PDSS2: variants seen among roughly 807,000 people sequenced by gnomAD.
PDSS2 encodes decaprenyl diphosphate synthase subunit 2.
Under a neutral mutation model 44.5 loss-of-function variants are expected in PDSS2, and 31 were observed. That is an observed-to-expected ratio of 0.70 (90% CI 0.52 to 0.94). The LOEUF is 0.94. Ranked by LOEUF, PDSS2 falls within the 40% of genes least tolerant of loss-of-function variation. The pLI is 0.00. For missense variants in PDSS2, 452 were observed against 482.2 expected (o/e 0.94, Z 0.59); for synonymous variants, 157 against 180.3 (o/e 0.87, Z 1.03).
At chr6:107,348,898 T>A (rs535053986) in intron 1 of PDSS2, among the ~76,000 whole-genome samples, 1 of 152,186 alleles carries the variant, frequency 6.6e-6, no homozygotes, top group African/African-American at 2.4e-5. Context: ...ACAGTACTAC[T>A]GTTATCCTAA....
chr6:107,234,766 C>T (rs964403397), intron 4 of PDSS2, among the ~76,000 whole-genome samples: 1 of 152,024 alleles, frequency 6.6e-6, no homozygotes, highest in Non-Finnish European at 1.5e-5. Context: ...TTTCTTATTC[C>T]CATGGCCAAT....
chr6:107,239,540 A>ATTCAT (rs1774343579), intron 4 of PDSS2, among the ~76,000 whole-genome samples: 1 of 150,668 alleles, frequency 6.6e-6, no homozygotes, highest in Non-Finnish European at 1.5e-5. Context: ...CATAATCATG[A>ATTCAT]TTCATTTCTG....
chr6:107,450,111 T>A (rs1195245563), intron 1 of PDSS2, among the ~76,000 whole-genome samples: 1 of 152,188 alleles, frequency 6.6e-6, no homozygotes, highest in Non-Finnish European at 1.5e-5. Context: ...TTTTGATGAA[T>A]GAGATTGACT....
At chr6:107,375,580 T>G (rs1461651979) in intron 1 of PDSS2, among the ~76,000 whole-genome samples, 1 of 152,196 alleles carries the variant, frequency 6.6e-6, no homozygotes, top group Non-Finnish European at 1.5e-5. Flanking sequence ...CACTGGTGAA[T>G]TCTATCAAAT....
chr6:107,453,141 C>G (rs1464609825), intron 1 of PDSS2, among the ~76,000 whole-genome samples: 1 of 151,824 alleles, frequency 6.6e-6, no homozygotes, highest in Non-Finnish European at 1.5e-5. Flanking sequence ...GCAGTCTCGG[C>G]TCACTGCAAC....
In PDSS2 at chr6:107,444,347, A is replaced by G. The variant is rs143218872; in HGVS notation, c.296+14643T>C. On this transcript the variant is annotated intron_variant, in intron 1 of 7. Coordinates refer to ENST00000369037, the MANE Select transcript of PDSS2 (RefSeq NM_020381.4). ...CACCTAGCCACCAGGTTCTATTACT[A>G]TCCTTGATTTACAGATGAAGAAACT... Among the ~76,000 whole-genome samples, 38 of 152,226 alleles carry G rather than the reference A, an allele frequency of 2.5e-4. No homozygotes were observed. In the East Asian group the frequency reaches 7.2e-3, roughly 29 times the overall value.
intron 2 of PDSS2, among the ~76,000 whole-genome samples, chr6:107,320,519 C>T (rs1303060688): frequency 1.3e-5 from 2 of 151,988 alleles, no homozygotes; most frequent in Non-Finnish European, 2.9e-5. Flanking sequence ...ATAGGGAAAG[C>T]CCATTAGACA....
At chr6:107,311,793 T>C (rs1160303109) in intron 2 of PDSS2, among the ~76,000 whole-genome samples, 1 of 152,308 alleles carries the variant, frequency 6.6e-6, no homozygotes, top group East Asian at 1.9e-4. Flanking sequence ...CCTTACCATA[T>C]AAAGAGGCTG....
At position 107,233,830 on chromosome 6, in the gene PDSS2, A is replaced by T. The variant is rs190443604; in HGVS notation, c.702+11718T>A. The stretch of plus-strand genomic sequence containing the variant: ...CCTGTCTCTGAATTAATAAATATAA[A>T]TGTAAAAAAAAAAATAAAGACTCCA... On this transcript the variant is annotated intron_variant, in intron 4 of 7. Coordinates refer to ENST00000369037, the MANE Select transcript of PDSS2 (RefSeq NM_020381.4). Among the ~76,000 whole-genome samples the T allele has an allele frequency of 1.6e-4, 24 of 151,838 alleles. No homozygotes were observed. The East Asian group carries it at 4.3e-3, about 27-fold the overall frequency.
rs147006068 is a variant in PDSS2 at position 107,218,403 on chromosome 6, T to C, written c.703-6121A>G. 2.0e-3 allele frequency among the ~76,000 whole-genome samples: 300 copies of C among 152,322 alleles called. 1 individual carries two copies. The highest frequency in any genetic ancestry group is 6.6e-3 in the African/African-American group (273 of 41,574). ...CAGATACACTCTCTAGACGTTTGCA[T>C]GGCTAGATTTCTCATTACTTTTGGG... On this transcript the variant is annotated intron_variant, in intron 4 of 7. Transcript: ENST00000369037.
At chr6:107,334,916 G>T (rs932843740) in intron 1 of PDSS2, among the ~76,000 whole-genome samples, 1 of 151,894 alleles carries the variant, frequency 6.6e-6, no homozygotes, top group Non-Finnish European at 1.5e-5. Flanking sequence ...CAGTGCTTTG[G>T]GGGGCCAAGG....
intron 1 of PDSS2, among the ~76,000 whole-genome samples, chr6:107,410,815 C>A (rs1780469456): frequency 6.6e-6 from 1 of 151,680 alleles, no homozygotes; most frequent in Non-Finnish European, 1.5e-5. Context: ...TTTTTTTTCA[C>A]TTAGTATATC....
At chr6:107,335,910 A>C (rs1311704782) in intron 1 of PDSS2, among the ~76,000 whole-genome samples, 2 of 151,804 alleles carry the variant, frequency 1.3e-5, no homozygotes, top group Non-Finnish European at 2.9e-5. Flanking sequence ...TTTTGAACAA[A>C]GAATCAATTT....
chr6:107,328,079 CA>C (rs1194999272), intron 2 of PDSS2, among the ~76,000 whole-genome samples: 2 of 152,124 alleles, frequency 1.3e-5, no homozygotes, highest in Non-Finnish European at 2.9e-5. Context: ...TAAAGGTATA[CA>C]AAGCTAAGTG....
At chr6:107,288,507 T>C (rs1399749016) in intron 2 of PDSS2, among the ~76,000 whole-genome samples, 1 of 152,074 alleles carries the variant, frequency 6.6e-6, no homozygotes, top group Non-Finnish European at 1.5e-5. Flanking sequence ...GATGCTGAGA[T>C]TATGAACTTT....
At position 107,245,539 on chromosome 6, in the gene PDSS2, A is replaced by G. The variant is rs528782732; in HGVS notation, c.702+9T>C. The G allele has an allele frequency of 2.8e-5, 42 of 1,496,040 alleles. No homozygotes were observed. Among genetic ancestry groups the G allele is most frequent in the Non-Finnish European group, 3.9e-5 (42 of 1,078,292 alleles). The allele number at this position is 1,496,040 out of a possible 1,614,324, so 92.7% of individuals were successfully genotyped here. On this transcript the variant is annotated intron_variant, in intron 4 of 7. Transcript: ENST00000369037. ...TAACATAACATTTTATGACTCTGAA[A>G]TCCTTTACCTTTGAAGTAGAATTTT... is the stretch of plus-strand genomic sequence containing the variant.
chr6:107,434,489 T>C (rs1482076651), intron 1 of PDSS2, among the ~76,000 whole-genome samples: 1 of 152,120 alleles, frequency 6.6e-6, no homozygotes, highest in Non-Finnish European at 1.5e-5. Context: ...TTAAGTGAAA[T>C]AAACCAGGCC....
intron 1 of PDSS2, among the ~76,000 whole-genome samples, chr6:107,454,473 C>T (rs1303376947): frequency 2.0e-5 from 3 of 152,168 alleles, no homozygotes; most frequent in African/African-American, 7.2e-5. Context: ...GCTAAATGCT[C>T]CTCTATTCCT....
chr6:107,160,993 C>T (rs1285668775), intron 7 of PDSS2, among the ~76,000 whole-genome samples: 3 of 152,046 alleles, frequency 2.0e-5, no homozygotes, highest in African/African-American at 7.2e-5. Flanking sequence ...CCACCTCGGC[C>T]TCCAAAAGTG....
Sources: allele counts gnomAD v4.1 joint callset (sites outside exome capture counted in the v4.1 genomes callset), GRCh38; gene constraint gnomAD v4.1.1; transcripts MANE v1.5; gene names NCBI Gene and HGNC (gene_info 2026-07-23, HGNC 2026-07-21).